The following CLECL1 variants were observed in gnomAD, a reference collection of about 807,000 sequenced individuals.
The protein encoded by CLECL1 is C-type lectin-like domain family 1.
At chr12:9,717,069 A>G (rs1179158412) in intron 2 of CLECL1, among the ~76,000 whole-genome samples, 1 of 152,186 alleles carries the variant, frequency 6.6e-6, no homozygotes, top group African/African-American at 2.4e-5. Context: ...CTGGAGGATT[A>G]TTGTTCCTGG....
chr12:9,707,867 C>T, the CLECL1 span, among the ~76,000 whole-genome samples: 1 of 152,180 alleles, frequency 6.6e-6, no homozygotes, highest in African/African-American at 2.4e-5. Flanking sequence ...AGTTTTGTTA[C>T]AGGCTGCAGC....
chr12:9,712,911 A>G (rs142417017), downstream of CLECL1, among the ~76,000 whole-genome samples: 437 of 152,342 alleles, frequency 2.9e-3, 5 homozygotes, highest in East Asian at 0.03. Flanking sequence ...TAATAACTAT[A>G]TGAGAAACAA....
downstream of CLECL1, among the ~76,000 whole-genome samples, chr12:9,720,288 G>A (rs1360264025): frequency 1.3e-5 from 2 of 151,598 alleles, no homozygotes; most frequent in Non-Finnish European, 2.9e-5. Context: ...AGTTTATTGT[G>A]TAGATAGCAG....
the CLECL1 span, among the ~76,000 whole-genome samples, chr12:9,710,275 A>G: frequency 2.0e-5 from 3 of 152,208 alleles, no homozygotes; most frequent in Admixed American, 1.3e-4. Flanking sequence ...TCAGGCAACC[A>G]GAGCCTCAGA....
chr12:9,721,828 C>G (rs1866317141), downstream of CLECL1, among the ~76,000 whole-genome samples: 2 of 152,210 alleles, frequency 1.3e-5, no homozygotes, highest in African/African-American at 4.8e-5. Flanking sequence ...CTGCGCCTGA[C>G]AGAGCCTTAC....
At chr12:9,705,873 C>T in the CLECL1 span, among the ~76,000 whole-genome samples, 1 of 152,210 alleles carries the variant, frequency 6.6e-6, no homozygotes, top group Admixed American at 6.5e-5. Context: ...ATTATTCAGG[C>T]TATTCAGGCT....
chr12:9,706,082 C>A, the CLECL1 span, among the ~76,000 whole-genome samples: 4 of 152,048 alleles, frequency 2.6e-5, no homozygotes, highest in Non-Finnish European at 4.4e-5. Context: ...CTTGAGGAAG[C>A]CCTTCACTTT....
intron 1 of CLECL1, among the ~76,000 whole-genome samples, chr12:9,729,852 T>C (rs1866425601): frequency 6.6e-6 from 1 of 152,154 alleles, no homozygotes; most frequent in Non-Finnish European, 1.5e-5. Context: ...TATGCGAGTA[T>C]TCTCTGGTTT....
At chr12:9,711,214 C>A (rs1866197836), downstream of CLECL1, among the ~76,000 whole-genome samples, 1 of 152,182 alleles carries the variant, frequency 6.6e-6, no homozygotes, top group Admixed American at 6.5e-5. Context: ...CAGCCACACC[C>A]CCATCTCACA....
chr12:9,720,933 G>T (rs778151719), downstream of CLECL1, among the ~76,000 whole-genome samples: 1 of 152,104 alleles, frequency 6.6e-6, no homozygotes, highest in East Asian at 1.9e-4. Context: ...CCTCTCTCTC[G>T]CATGTGCCTG....
downstream of CLECL1, among the ~76,000 whole-genome samples, chr12:9,715,695 G>C (rs1308960530): frequency 3.9e-5 from 6 of 152,100 alleles, no homozygotes; most frequent in African/African-American, 1.4e-4. Context: ...CACTCTCCCA[G>C]CTGACACTCC....
At chr12:9,702,405 C>CGCTGCTCT in the CLECL1 span, among the ~76,000 whole-genome samples, 2 of 152,092 alleles carry the variant, frequency 1.3e-5, no homozygotes, top group Admixed American at 1.3e-4. Context: ...TCTGCTATTC[C>CGCTGCTCT]GCTGCTCTGC....
chr12:9,713,639 TCTCA>T (rs1370396563), downstream of CLECL1, among the ~76,000 whole-genome samples: 2 of 152,368 alleles, frequency 1.3e-5, no homozygotes, highest in Non-Finnish European at 2.9e-5. Flanking sequence ...TAGGGGAAGT[TCTCA>T]CTCTTATTTT....
chr12:9,734,288 C>G (rs753563230), upstream of CLECL1, among the ~76,000 whole-genome samples: 42 of 152,270 alleles, frequency 2.8e-4, no homozygotes, highest in Non-Finnish European at 5.4e-4. Context: ...CAACTTCTGA[C>G]CCTGGATGAG....
At chr12:9,727,758 C>CA (rs762405376) in intron 2 of CLECL1, among the ~76,000 whole-genome samples, 5 of 151,564 alleles carry the variant, frequency 3.3e-5, no homozygotes, top group Non-Finnish European at 5.9e-5. Context: ...CCATGAAGTC[C>CA]AATGATATGG....
chr12:9,721,505 G>A (rs910697381), downstream of CLECL1, among the ~76,000 whole-genome samples: 1 of 152,180 alleles, frequency 6.6e-6, no homozygotes, highest in Non-Finnish European at 1.5e-5. Context: ...GTAAGTTTCC[G>A]TTAAAATGTG....
the CLECL1 span, among the ~76,000 whole-genome samples, chr12:9,708,484 C>T: frequency 1.3e-5 from 2 of 152,070 alleles, no homozygotes; most frequent in East Asian, 1.9e-4. Context: ...AGGCTGAGGT[C>T]CTAAAAAGGA....
At position 9,728,378 on chromosome 12, in the gene CLECL1, A is replaced by G. The variant is rs185283135; in HGVS notation, n.169-720T>C. Among the ~76,000 whole-genome samples the G allele has an allele frequency of 2.7e-3, 405 of 151,940 alleles. 2 individuals carry two copies. The highest frequency in any genetic ancestry group is 0.014 in the Middle Eastern group (4 of 294). On this transcript the variant is annotated intron_variant and non_coding_transcript_variant, in intron 2 of 3. Transcript: ENST00000621400. ...ATTTAATTCATTTAATGTATTAAAT[A>G]TATAATCTCTAATTCTTATGTTGAT...
chr12:9,713,222 G>T (rs950807151), downstream of CLECL1, among the ~76,000 whole-genome samples: 6 of 152,186 alleles, frequency 3.9e-5, no homozygotes, highest in Non-Finnish European at 7.4e-5. Context: ...TGGAATCTAT[G>T]AATAACATCG....
Sources: gnomAD v4.1 joint callset for allele counts (sites outside exome capture counted in the v4.1 genomes callset) on GRCh38, gnomAD v4.1.1 for gene constraint, MANE v1.5 for transcripts, NCBI Gene and HGNC (gene_info 2026-07-23, HGNC 2026-07-21) for gene names.